The following CYP2J2 variants were observed in gnomAD, a reference collection of about 807,000 sequenced individuals.
CYP2J2 encodes cytochrome P450 family 2 subfamily J member 2.
A neutral mutation model predicts 48.8 loss-of-function variants in CYP2J2; 41 were observed. The observed-to-expected ratio is 0.84, with a 90% CI of 0.66 to 1.09. CYP2J2 has a LOEUF of 1.09. Among genes scored for constraint, CYP2J2 ranks in the 50% least tolerant of loss-of-function variants. The pLI is 0.00. For missense variants in CYP2J2, 644 were observed against 617.3 expected (o/e 1.04, Z -0.46); for synonymous variants, 221 against 227.1 (o/e 0.97, Z 0.24).
At chr1:59,907,712 G>A (rs2102118195) in intron 6 of CYP2J2, 74 bp downstream of exon 6, 2 of 1,526,896 alleles carry the variant, frequency 1.3e-6, no homozygotes, top group South Asian at 1.2e-5. Context: ...CTATCTTCTG[G>A]CCCCGACTTC....
intron 1 of CYP2J2, among the ~76,000 whole-genome samples, chr1:59,920,397 G>A (rs964707820): frequency 5.3e-5 from 8 of 151,976 alleles, no homozygotes; most frequent in Non-Finnish European, 1.0e-4. Flanking sequence ...GTGCTGGGGA[G>A]TGCAACAAGT....
At chr1:59,915,443 A>G (rs1644456193) in intron 2 of CYP2J2, among the ~76,000 whole-genome samples, 1 of 152,170 alleles carries the variant, frequency 6.6e-6, no homozygotes, top group Non-Finnish European at 1.5e-5. Flanking sequence ...ATTATATTTA[A>G]TGGTAATTTT....
intron 2 of CYP2J2, chr1:59,913,030 A>G (rs994762146): frequency 6.6e-6 from 1 of 152,224 alleles, no homozygotes; most frequent in Non-Finnish European, 1.5e-5. Flanking sequence ...AGCACTCCTC[A>G]ACACCTTTTA....
At chr1:59,930,196 T>C (rs1053112421), upstream of CYP2J2, among the ~76,000 whole-genome samples, 1 of 152,230 alleles carries the variant, frequency 6.6e-6, no homozygotes, top group Non-Finnish European at 1.5e-5. Context: ...TTTTTGTGAA[T>C]ACTGCTGCTA....
At chr1:59,940,972 T>A in the CYP2J2 span, among the ~76,000 whole-genome samples, 1 of 152,226 alleles carries the variant, frequency 6.6e-6, no homozygotes, top group African/African-American at 2.4e-5. Flanking sequence ...GTTACCAGAG[T>A]CTTGGAATGG....
At chr1:59,923,551 T>A (rs945496793) in intron 1 of CYP2J2, among the ~76,000 whole-genome samples, 9 of 152,128 alleles carry the variant, frequency 5.9e-5, no homozygotes, top group African/African-American at 2.2e-4. Flanking sequence ...TTCCAATAAC[T>A]ATGAATAGTC....
rs11572269 is a variant in CYP2J2, at chr1:59,910,237, GTGTT to G, written c.685-281_685-278del. On this transcript the variant is annotated intron_variant, in intron 4 of 8. Coordinates refer to ENST00000371204, the MANE Select transcript of CYP2J2 (RefSeq NM_000775.4). ...CTGGGGACATCTGAGCACTGGTTGA[GTGTT>G]TGAAGGCATTAAATAACTATTGTTC... 2.6e-3 allele frequency among the ~76,000 whole-genome samples: 396 copies of G among 152,278 alleles called. 1 individual carries two copies. Among genetic ancestry groups the G allele is most frequent in the African/African-American group, 9.0e-3 (373 of 41,558 alleles).
the CYP2J2 span, among the ~76,000 whole-genome samples, chr1:59,963,812 A>C: frequency 1.3e-5 from 2 of 152,222 alleles, no homozygotes; most frequent in Admixed American, 6.5e-5. Context: ...TCTCATCTGC[A>C]AACAAGACAG....
chr1:59,926,160 A>G (rs1438239130), intron 1 of CYP2J2, among the ~76,000 whole-genome samples: 1 of 152,214 alleles, frequency 6.6e-6, no homozygotes, highest in African/African-American at 2.4e-5. Flanking sequence ...GAAATGATCA[A>G]GATTGAGGTA....
chr1:59,927,603 T>C (rs1227174399), upstream of CYP2J2, among the ~76,000 whole-genome samples: 5 of 152,180 alleles, frequency 3.3e-5, no homozygotes, highest in South Asian at 2.1e-4. Flanking sequence ...TTCTTTATTT[T>C]TGAGACAGAG....
At chr1:59,929,881 A>T (rs566153862), upstream of CYP2J2, among the ~76,000 whole-genome samples, 1 of 152,326 alleles carries the variant, frequency 6.6e-6, no homozygotes, top group East Asian at 1.9e-4. Flanking sequence ...CCAAAATTTC[A>T]CGAAAAGCAT....
intron 1 of CYP2J2, among the ~76,000 whole-genome samples, chr1:59,916,798 A>T (rs1644470226): frequency 6.6e-6 from 1 of 151,992 alleles, no homozygotes; most frequent in Non-Finnish European, 1.5e-5. Context: ...AATAGAGAGA[A>T]TTCAGCACAT....
intron 1 of CYP2J2, among the ~76,000 whole-genome samples, chr1:59,926,118 C>G (rs950319617): frequency 6.6e-6 from 1 of 151,994 alleles, no homozygotes; most frequent in African/African-American, 2.4e-5. Context: ...AGCTGGAGGG[C>G]TCAGTTAGTG....
intron 6 of CYP2J2, 26 bp from the exon 7 acceptor site, chr1:59,905,084 A>G: frequency 6.3e-7 from 1 of 1,599,262 alleles, no homozygotes; most frequent in African/African-American, 1.4e-5. Flanking sequence ...GGGTTCTATT[A>G]TTTTTTAAAC....
the CYP2J2 span, among the ~76,000 whole-genome samples, chr1:59,935,675 T>C: frequency 1.3e-5 from 2 of 152,160 alleles, no homozygotes; most frequent in Non-Finnish European, 2.9e-5. Flanking sequence ...AAAGAAATCA[T>C]AGGAGGTGTA....
chr1:59,925,354 C>T (rs1644554876), intron 1 of CYP2J2, among the ~76,000 whole-genome samples: 2 of 152,020 alleles, frequency 1.3e-5, no homozygotes, highest in Admixed American at 6.5e-5. Flanking sequence ...TCAATTATTC[C>T]ACCCAACAAT....
chr1:59,935,222 AG>A, the CYP2J2 span, among the ~76,000 whole-genome samples: 1,745 of 151,804 alleles, frequency 0.011, 32 homozygotes, highest in African/African-American at 0.039. Context: ...TCAGTGAAAC[AG>A]AGTGAAAGGG....
upstream of CYP2J2, among the ~76,000 whole-genome samples, chr1:59,927,785 C>T (rs1033813303): frequency 6.6e-6 from 1 of 152,056 alleles, no homozygotes; most frequent in Non-Finnish European, 1.5e-5. Context: ...GTTGGTCAGG[C>T]TGGTCTCAAT....
chr1:59,893,456 A>G lies in CYP2J2; in HGVS notation c.*195T>C. On this transcript the variant is annotated 3_prime_UTR_variant, in exon 9 of 9. Coordinates refer to ENST00000371204, the MANE Select transcript of CYP2J2 (RefSeq NM_000775.4). ...TAAAAAGGTAAATTATTTAGCATAT[A>G]AATGATTTTCCCAAGGCTAATTCGG... 4.1e-6 allele frequency: 2 copies of G among 483,944 alleles called. No individual in the cohort carries two copies. The highest frequency in any genetic ancestry group is 1.1e-4 in the South Asian group (2 of 17,724). 30.0% of individuals were successfully genotyped at this position (483,944 alleles called of 1,614,324 possible). A position where few individuals can be genotyped will look rare whatever the true frequency, so the allele number is the denominator to read the frequency against.
Sources: allele counts gnomAD v4.1 joint callset (sites outside exome capture counted in the v4.1 genomes callset), GRCh38; gene constraint gnomAD v4.1.1; transcripts MANE v1.5; gene names NCBI Gene and HGNC (gene_info 2026-07-23, HGNC 2026-07-21).